The following MYO15B variants were observed in gnomAD, a reference collection of about 807,000 sequenced individuals.
The protein encoded by MYO15B is myosin XVB, also known as myosin XVB pseudogene.
MYO15B carries 207 observed loss-of-function variants against 119.3 expected under a neutral mutation model. The observed-to-expected ratio is 1.73, with a 90% CI of 1.55 to 1.95. MYO15B has a LOEUF of 1.95. MYO15B is among the 30% of genes most tolerant of loss of function. The pLI is 0.00. For missense variants in MYO15B, 2,264 were observed against 1,203.1 expected, an observed-to-expected ratio of 1.88 and a Z score of -13.04; for synonymous variants, 966 against 498.9, an observed-to-expected ratio of 1.94 and a Z score of -12.48.
chr17:75,616,783 C>T (rs776805032), exon 39 of MYO15B: 1 of 703,010 alleles, frequency 1.4e-6, no homozygotes, highest in African/African-American at 1.7e-5. Flanking sequence ...TGCAGCCATC[C>T]AGGTGGGCCC....
chr17:75,593,630 A>G (rs1390533840), intron 9 of MYO15B, among the ~76,000 whole-genome samples: 1 of 151,214 alleles, frequency 6.6e-6, no homozygotes, highest in Non-Finnish European at 1.5e-5. Flanking sequence ...AAAAAAAAAA[A>G]CAAAACAGAC....
chr17:75,602,658 C>T (rs1235094013), intron 16 of MYO15B, 64 bp downstream of exon 16: 2 of 614,114 alleles, frequency 3.3e-6, no homozygotes, highest in Non-Finnish European at 5.8e-6. Context: ...CTGTCCTTTT[C>T]CCCCTGGGCG....
Position 75,597,022 on chromosome 17 carries a change from C to G in MYO15B, c.3525+123C>G, listed in dbSNP as rs964320057. 4 of 593,296 alleles carry G rather than the reference C, an allele frequency of 6.7e-6. No homozygotes were observed. The African/African-American group carries it at 7.4e-5, about 11-fold the overall frequency. The allele number at this position is 593,296 out of a possible 1,614,324, so 36.8% of individuals were successfully genotyped here. On this transcript the variant is annotated intron_variant, in intron 14 of 63. Coordinates refer to ENST00000645453, the Ensembl canonical transcript of MYO15B. The stretch of plus-strand genomic sequence containing the variant: ...GGTTATGGGATCCAGCGACCCTGAT[C>G]ACAGTTCCTCAGCACAGCCTGGGAC...
chr17:75,604,118 G>T (rs1230006203), intron 19 of MYO15B, among the ~76,000 whole-genome samples: 1 of 152,162 alleles, frequency 6.6e-6, no homozygotes. Flanking sequence ...GGTGTTCCCA[G>T]CCTTGAGTCA....
At chr17:75,625,027 G>T in intron 59 of MYO15B, 96 bp from the exon 60 acceptor site, 1 of 658,948 alleles carries the variant, frequency 1.5e-6, no homozygotes, top group Non-Finnish European at 2.8e-6. Context: ...GTGGCTGGGG[G>T]GTGACAGTGG....
At chr17:75,617,636 T>C in intron 41 of MYO15B, 174 bp from the exon 42 acceptor site, 2 of 588,354 alleles carry the variant, frequency 3.4e-6, no homozygotes, top group Admixed American at 3.0e-5. Context: ...CAGGGAAAGT[T>C]TAGGGCCCAA....
chr17:75,626,156 G>T, exon 63 of MYO15B: 1 of 703,070 alleles, frequency 1.4e-6, no homozygotes, highest in Non-Finnish European at 2.6e-6. Context: ...TGGAGGAGAA[G>T]GGGCCCCCTG....
rs1369799197 is a variant in MYO15B at position 75,619,215 on chromosome 17, CTGGGTA to C, written c.7063+3_7063+8del. 2.8e-6 allele frequency: 2 copies of C among 702,662 alleles called. No individual in the cohort carries two copies. Among genetic ancestry groups the C allele is most frequent in the Non-Finnish European group, 5.2e-6 (2 of 384,974 alleles). The allele number at this position is 702,662 out of a possible 1,614,324, so 43.5% of individuals were successfully genotyped here. On this transcript the variant is annotated splice_donor_variant and splice_donor_region_variant and coding_sequence_variant and intron_variant, in exon 44 of 64. Coordinates refer to ENST00000645453, the Ensembl canonical transcript of MYO15B. LOFTEE classifies it high-confidence loss of function. ...TGAGCGGCGGAAAATGAAAGACCTG[CTGGGTA>C]TGGGTCCAGGGACCATGGAGTTGGG... is the stretch of plus-strand genomic sequence containing the variant.
rs114791297 is a variant in MYO15B at position 75,626,807 on chromosome 17, T to A, written c.*323T>A. The stretch of plus-strand genomic sequence containing the variant: ...CCCCACATTAGCACAAGCCCAGGCA[T>A]GGGAGAAACAGCTGCTGAGGAAATA... On this transcript the variant is annotated 3_prime_UTR_variant, in exon 64 of 64. Transcript: ENST00000645453. The A allele has an allele frequency of 2.9e-3, 1,414 of 484,886 alleles. 17 individuals are homozygous for A. The highest frequency in any genetic ancestry group is 0.025 in the African/African-American group (1,309 of 51,662). The allele number at this position is 484,886 out of a possible 1,614,324, so 30.0% of individuals were successfully genotyped here.
At chr17:75,615,214 C>T in intron 33 of MYO15B, 26 bp from the exon 34 acceptor site, 2 of 696,368 alleles carry the variant, frequency 2.9e-6, no homozygotes, top group Non-Finnish European at 5.3e-6. Flanking sequence ...CAGGCAGGGA[C>T]TGACAGGGAG....
chr17:75,614,152 C>G (rs529236821), intron 29 of MYO15B, 47 bp from the exon 30 acceptor site: 2 of 695,562 alleles, frequency 2.9e-6, no homozygotes, highest in Non-Finnish European at 2.6e-6. Context: ...GTCCTTGCCC[C>G]CTTCTGGATG....
At chr17:75,619,685 A>T in exon 46 of MYO15B, 1 of 702,766 alleles carries the variant, frequency 1.4e-6, no homozygotes, top group Non-Finnish European at 2.6e-6. Context: ...CTGTAGGGCG[A>T]GAGTGGCAGC....
At chr17:75,620,796 C>T (rs954804956) in intron 49 of MYO15B, 160 bp downstream of exon 49, 2 of 701,718 alleles carry the variant, frequency 2.9e-6, no homozygotes, top group Non-Finnish European at 5.2e-6. Flanking sequence ...CGCCTTGTCT[C>T]TCCAGCAAGA....
chr17:75,611,106 T>A, intron 23 of MYO15B, 147 bp downstream of exon 23: 1 of 651,156 alleles, frequency 1.5e-6, no homozygotes, highest in South Asian at 1.7e-5. Context: ...CGGGGTGCTC[T>A]TGGCTCTTGG....
chr17:75,614,561 A>G (rs964689926), intron 30 of MYO15B, 22 bp from the exon 31 acceptor site: 3 of 699,618 alleles, frequency 4.3e-6, no homozygotes, highest in Non-Finnish European at 5.2e-6. Context: ...CCACCCCCTT[A>G]GCTGGATCCC....
rs902033416 is a variant in MYO15B, at chr17:75,605,969, C to T, written c.4240C>T (p.Arg1414Cys). 35 of 702,670 alleles carry T rather than the reference C, an allele frequency of 5.0e-5. No individual in the cohort carries two copies. The East Asian group carries it at 5.9e-4, about 12-fold the overall frequency. 43.5% of individuals were successfully genotyped at this position (702,670 alleles called of 1,614,324 possible). The stretch of plus-strand genomic sequence containing the variant: ...CCGCAGCTTCCACACCTGCATCTCC[C>T]GCCAGCGCGTCCTGCCCCGGATGCA... The change falls in exon 21 of 64, where the codon CGC (arginine) becomes TGC (cysteine). Residue 1414 changes from arginine to cysteine, a missense_variant. Coordinates refer to ENST00000645453, the Ensembl canonical transcript of MYO15B.
chr17:75,609,936 C>G (rs1466473375), intron 21 of MYO15B, among the ~76,000 whole-genome samples: 3 of 152,076 alleles, frequency 2.0e-5, no homozygotes, highest in Non-Finnish European at 4.4e-5. Flanking sequence ...AGTGATCCAC[C>G]CGCCTTGGCC....
exon 14 of MYO15B, chr17:75,596,791 G>T (rs2056891279): frequency 1.4e-6 from 1 of 701,504 alleles, no homozygotes; most frequent in Non-Finnish European, 2.6e-6. Context: ...GGGAGTTGCT[G>T]TCCTGGGTGC....
At chr17:75,617,961 G>A (rs1215638579) in intron 42 of MYO15B, 39 bp downstream of exon 42, 4 of 698,532 alleles carry the variant, frequency 5.7e-6, no homozygotes, top group Non-Finnish European at 1.0e-5. Context: ...GCCTCTTTGG[G>A]CTGGCAGGGA....
Sources: allele counts gnomAD v4.1 joint callset (sites outside exome capture counted in the v4.1 genomes callset), GRCh38; gene constraint gnomAD v4.1.1; transcripts MANE v1.5; gene names NCBI Gene and HGNC (gene_info 2026-07-23, HGNC 2026-07-21).